LITAF: variants seen among roughly 807,000 people sequenced by gnomAD.
LITAF encodes the protein lipopolysaccharide induced TNF factor.
LITAF carries 9 observed loss-of-function variants against 14.5 expected under a neutral mutation model. The ratio of observed to expected loss-of-function variants is 0.62; its 90% CI spans 0.37 to 1.08. The LOEUF (loss-of-function observed/expected upper bound fraction) is 1.08, where lower values mean the gene tolerates loss of function less well. LITAF is among the 50% of genes least tolerant of loss of function. LITAF has a pLI of 0.01. For synonymous variants in LITAF, 98 were observed against 88.2 expected, an observed-to-expected ratio of 1.11 and a Z score of -0.62; for missense variants, 206 against 213.4, an observed-to-expected ratio of 0.97 and a Z score of 0.22.
At chr16:11,562,648 G>C (rs1274343465) in intron 1 of LITAF, among the ~76,000 whole-genome samples, 5 of 152,312 alleles carry the variant, frequency 3.3e-5, no homozygotes, top group Middle Eastern at 3.4e-3. Context: ...TGTAATCCCA[G>C]CACTTTGGGA....
chr16:11,599,790 C>T (rs2141862849), upstream of LITAF, among the ~76,000 whole-genome samples: 1 of 152,232 alleles, frequency 6.6e-6, no homozygotes, highest in African/African-American at 2.4e-5. Flanking sequence ...TGTTTCAGAA[C>T]TGTCCTGCCT....
At chr16:11,637,994 C>CTA (rs375261202), upstream of LITAF, among the ~76,000 whole-genome samples, 2 of 41,966 alleles carry the variant, frequency 4.8e-5, 1 homozygote, top group Admixed American at 4.8e-4. Context: ...CTATATATAT[C>CTA]TATATATATC....
chr16:11,630,570 C>CAT (rs757019025), intron 3 of LITAF, among the ~76,000 whole-genome samples: 2 of 114,240 alleles, frequency 1.8e-5, no homozygotes, highest in Non-Finnish European at 3.4e-5. Flanking sequence ...CCCTGGCCAA[C>CAT]TTTTTTTTTT....
At chr16:11,573,903 C>T (rs184190421) in intron 1 of LITAF, among the ~76,000 whole-genome samples, 88 of 151,506 alleles carry the variant, frequency 5.8e-4, no homozygotes, top group African/African-American at 2.0e-3. Context: ...GGTTTCACCA[C>T]GTTGGCCAGG....
chr16:11,590,155 T>C (rs1597363073), upstream of LITAF, among the ~76,000 whole-genome samples: 1 of 109,472 alleles, frequency 9.1e-6, no homozygotes, highest in Middle Eastern at 4.5e-3. Flanking sequence ...AGAGAGAGAA[T>C]GTAATACTTA....
upstream of LITAF, among the ~76,000 whole-genome samples, chr16:11,600,997 G>T (rs757639823): frequency 1.7e-4 from 26 of 152,200 alleles, 1 homozygote; most frequent in Admixed American, 7.2e-4. This position sits in a 1 kb window ranked among gnomAD's most constrained non-coding sequence, Gnocchi z 4.1. Flanking sequence ...CCTACTGGGG[G>T]TCCCTGGTTT....
At chr16:11,622,086 G>A (rs78790343) in intron 3 of LITAF, among the ~76,000 whole-genome samples, 3,825 of 152,274 alleles carry the variant, frequency 0.025, 63 homozygotes, top group Middle Eastern at 0.054. Context: ...CAGAGCTGTC[G>A]GTGGCTGATG....
In LITAF at chr16:11,634,201, G is replaced by C. The variant is rs987337569; in HGVS notation, c.-20-564C>G. Among the ~76,000 whole-genome samples the C allele has an allele frequency of 4.6e-5, 7 of 152,186 alleles. No individual in the cohort carries two copies. Among genetic ancestry groups the C allele is most frequent in the Non-Finnish European group, 8.8e-5 (6 of 68,032 alleles). ...TATAACAGAAAATTGTGACAGTGAA[G>C]GAGACCTGATCTAACCAACCCCCAT... On this transcript the variant is annotated intron_variant, in intron 2 of 3. Coordinates refer to the LITAF transcript ENST00000574848. This position sits in a 1 kb window ranked among gnomAD's most constrained non-coding sequence, Gnocchi z 4.1.
chr16:11,584,596 G>T (rs951153896), intron 1 of LITAF, among the ~76,000 whole-genome samples: 1 of 152,108 alleles, frequency 6.6e-6, no homozygotes, highest in African/African-American at 2.4e-5. Context: ...ATGTCCTCAT[G>T]TTCCTTCTGC....
chr16:11,610,650 A>G (rs1368193386), intron 3 of LITAF, among the ~76,000 whole-genome samples: 2 of 152,170 alleles, frequency 1.3e-5, no homozygotes, highest in Admixed American at 6.6e-5. Context: ...GAGGAAAAAA[A>G]CCATCGCCCA....
At chr16:11,589,909 G>C (rs62024274), upstream of LITAF, among the ~76,000 whole-genome samples, 1,052 of 56,054 alleles carry the variant, frequency 0.019, 45 homozygotes, top group Middle Eastern at 0.044. Flanking sequence ...CAGGTGTGAG[G>C]CACCACACCC....
At chr16:11,576,554 A>AAAAAGACAG (rs1555469756) in intron 1 of LITAF, among the ~76,000 whole-genome samples, 4 of 116,640 alleles carry the variant, frequency 3.4e-5, no homozygotes, top group African/African-American at 1.0e-4. Flanking sequence ...AAAAAAAAAA[A>AAAAAGACAG]AGAGAGAGAG....
At chr16:11,619,811 G>A (rs181436860) in intron 3 of LITAF, among the ~76,000 whole-genome samples, 8 of 152,130 alleles carry the variant, frequency 5.3e-5, no homozygotes, top group Admixed American at 2.6e-4. Context: ...GGCCTCAAGC[G>A]ATCCTCCCAC....
upstream of LITAF, among the ~76,000 whole-genome samples, chr16:11,599,605 A>G (rs1488013384): frequency 6.6e-6 from 1 of 151,528 alleles, no homozygotes; most frequent in African/African-American, 2.4e-5. Flanking sequence ...GACACAAACC[A>G]CCCCCTACCT....
chr16:11,579,376 G>A (rs113011148), intron 1 of LITAF, among the ~76,000 whole-genome samples: 1,572 of 151,560 alleles, frequency 0.01, 40 homozygotes, highest in African/African-American at 0.037. Context: ...GCGTGAACCC[G>A]GGAGGCGGAG....
At chr16:11,590,414 C>A (rs2064840585), upstream of LITAF, among the ~76,000 whole-genome samples, 1 of 117,290 alleles carries the variant, frequency 8.5e-6, no homozygotes, top group Admixed American at 8.3e-5. Flanking sequence ...TGGTGATACA[C>A]ATTCAAAAGA....
chr16:11,557,871 C>T (rs909907907), intron 1 of LITAF, among the ~76,000 whole-genome samples: 2 of 152,194 alleles, frequency 1.3e-5, no homozygotes, highest in African/African-American at 2.4e-5. Flanking sequence ...GGATTTCCCT[C>T]CAGCCCTGGC....
At chr16:11,636,922 T>C (rs944008868), upstream of LITAF, among the ~76,000 whole-genome samples, 4 of 151,534 alleles carry the variant, frequency 2.6e-5, no homozygotes, top group East Asian at 1.9e-4. Context: ...CAGACTGGAG[T>C]GCAGTGGCAC....
chr16:11,585,378 G>A (rs2064791595), intron 1 of LITAF, among the ~76,000 whole-genome samples: 1 of 152,158 alleles, frequency 6.6e-6, no homozygotes, highest in African/African-American at 2.4e-5. Context: ...GAAAGAGGGA[G>A]ATGGGCCTCC....
Sources: allele counts gnomAD v4.1 joint callset (sites outside exome capture counted in the v4.1 genomes callset), GRCh38; gene constraint gnomAD v4.1.1; non-coding constraint Gnocchi (gnomAD v3.1); transcripts MANE v1.5; gene names NCBI Gene and HGNC (gene_info 2026-07-23, HGNC 2026-07-21).